COG5: variants seen among roughly 807,000 people sequenced by gnomAD.
COG5 encodes the protein conserved oligomeric Golgi complex subunit 5.
In COG5, 86 loss-of-function variants were observed where a neutral mutation model predicts 110.4. That is an observed-to-expected ratio of 0.78 (90% CI 0.65 to 0.93). The LOEUF (loss-of-function observed/expected upper bound fraction) is 0.93. Among genes scored for constraint, COG5 ranks in the 40% least tolerant of loss-of-function variants. The pLI, the probability that COG5 is intolerant of heterozygous loss-of-function variation, is 0.00. For synonymous variants in COG5, 360 were observed against 334.6 expected, an observed-to-expected ratio of 1.08 and a Z score of -0.83; for missense variants, 1,077 against 987.0, an observed-to-expected ratio of 1.09 and a Z score of -1.22.
intron 7 of COG5, among the ~76,000 whole-genome samples, chr7:107,397,142 C>T (rs1042197645): frequency 6.6e-6 from 1 of 152,192 alleles, no homozygotes; most frequent in Non-Finnish European, 1.5e-5. Context: ...GATAGCTAGG[C>T]TGGGCATGTG....
intron 6 of COG5, among the ~76,000 whole-genome samples, chr7:107,514,630 T>G (rs1253112561): frequency 6.6e-6 from 1 of 152,130 alleles, no homozygotes; most frequent in Non-Finnish European, 1.5e-5. Flanking sequence ...TAGAATCAGA[T>G]TTTTACAGAT....
At chr7:107,484,947 C>G (rs906786909) in intron 6 of COG5, among the ~76,000 whole-genome samples, 3 of 152,142 alleles carry the variant, frequency 2.0e-5, no homozygotes, top group African/African-American at 7.2e-5. Flanking sequence ...GAAAAGAAGA[C>G]AAGTGTCTTA....
intron 5 of COG5, among the ~76,000 whole-genome samples, chr7:107,534,554 A>G (rs1801443864): frequency 6.6e-6 from 1 of 151,536 alleles, no homozygotes; most frequent in South Asian, 2.1e-4. Context: ...AAACCAACAA[A>G]GATCAAAAAA....
chr7:107,285,843 C>T (rs1479470180), intron 12 of COG5, among the ~76,000 whole-genome samples: 5 of 146,470 alleles, frequency 3.4e-5, no homozygotes, highest in African/African-American at 7.6e-5. Context: ...CCAGCCTGGG[C>T]GACACAGCAA....
intron 7 of COG5, among the ~76,000 whole-genome samples, chr7:107,400,112 G>C (rs1340740082): frequency 6.6e-6 from 1 of 151,904 alleles, no homozygotes. Context: ...ACTTGTACTT[G>C]AGTGTTAATG....
At position 107,253,959 on chromosome 7, in the gene COG5, G is replaced by C. The variant is rs908570993; in HGVS notation, c.1749+2773C>G. 2.0e-5 allele frequency among the ~76,000 whole-genome samples: 3 copies of C among 152,084 alleles called. No individual in the cohort carries two copies. The East Asian group carries it at 5.8e-4, about 29-fold the overall frequency. On this transcript the variant is annotated intron_variant, in intron 16 of 21. Transcript: ENST00000297135. ...ATCCCCATTCTCTATCCTTTACTGT[G>C]CTCTATTTTTCATCATAGCGCTTAT...
In COG5 at chr7:107,378,790, C is replaced by T. The variant is rs544299758; in HGVS notation, c.670-6030G>A. 5.3e-5 allele frequency among the ~76,000 whole-genome samples: 8 copies of T among 152,214 alleles called. No individual in the cohort carries two copies. The South Asian group carries it at 1.2e-3, about 24-fold the overall frequency. On this transcript the variant is annotated intron_variant, in intron 7 of 21. Transcript: ENST00000297135. ...GCACTAGGAGAAAAGACCAAATCTA[C>T]GTTTGATTGGTGTACCTAAAAGTGA... is the stretch of plus-strand genomic sequence containing the variant.
In COG5 at chr7:107,203,480, T is replaced by C. The variant is rs1267241165; in HGVS notation, c.*36A>G. 2 of 1,416,650 alleles carry C rather than the reference T, an allele frequency of 1.4e-6. No individual in the cohort carries two copies. Among genetic ancestry groups the C allele is most frequent in the South Asian group, 2.3e-5 (2 of 87,040 alleles). The allele number at this position is 1,416,650 out of a possible 1,614,324, so 87.8% of individuals were successfully genotyped here. A position where few individuals can be genotyped will look rare whatever the true frequency, so the allele number is the denominator to read the frequency against. ...GTTTAACTGCCAACTATGAATGGGTTAGCACAAAGTGGAGATGAACAAAGA... is the reference window on the plus strand; with the variant it reads ...GTTTAACTGCCAACTATGAATGGGTCAGCACAAAGTGGAGATGAACAAAGA... On this transcript the variant is annotated 3_prime_UTR_variant, in exon 22 of 22. Coordinates refer to ENST00000297135, the MANE Select transcript of COG5 (RefSeq NM_006348.5).
chr7:107,375,496 C>T (rs1345971727), intron 7 of COG5, among the ~76,000 whole-genome samples: 1 of 151,948 alleles, frequency 6.6e-6, no homozygotes, highest in East Asian at 1.9e-4. Flanking sequence ...CTGTGGATGC[C>T]CCACAAATTT....
chr7:107,308,951 C>T (rs2116978820), intron 11 of COG5, among the ~76,000 whole-genome samples: 1 of 140,304 alleles, frequency 7.1e-6, no homozygotes, highest in Admixed American at 8.5e-5. Flanking sequence ...CAGAATTATT[C>T]TATACATTTC....
At chr7:107,264,399 T>C (rs1752346725) in intron 14 of COG5, among the ~76,000 whole-genome samples, 1 of 151,628 alleles carries the variant, frequency 6.6e-6, no homozygotes, top group South Asian at 2.1e-4. Context: ...GTAAAAAAAT[T>C]CCAGACAATG....
intron 10 of COG5, among the ~76,000 whole-genome samples, chr7:107,355,843 T>C (rs1423163780): frequency 2.0e-5 from 3 of 152,248 alleles, no homozygotes; most frequent in Non-Finnish European, 4.4e-5. Context: ...TTCTGTGTGA[T>C]ACTGGAATGG....
At chr7:107,275,719 T>G (rs1361813906) in intron 14 of COG5, among the ~76,000 whole-genome samples, 2 of 152,050 alleles carry the variant, frequency 1.3e-5, no homozygotes, top group African/African-American at 4.8e-5. Context: ...AGATGAGGTT[T>G]CACCATTTTG....
chr7:107,302,759 A>G (rs931399742), intron 11 of COG5, among the ~76,000 whole-genome samples: 4 of 152,166 alleles, frequency 2.6e-5, no homozygotes, highest in Admixed American at 2.6e-4. Flanking sequence ...CTCATTTACT[A>G]TTCACTACAA....
Position 107,274,401 on chromosome 7 carries a change from C to T in COG5, c.1575+6899G>A, listed in dbSNP as rs578094456. 3.3e-5 allele frequency among the ~76,000 whole-genome samples: 5 copies of T among 152,158 alleles called. No individual in the cohort carries two copies. The East Asian group carries it at 5.8e-4, about 18-fold the overall frequency. ...TTTATGATAGATGACATAATTCATC[C>T]CACTCTTCACCCCCTTTGTATCTTC... On this transcript the variant is annotated intron_variant, in intron 14 of 21. Coordinates refer to ENST00000297135, the MANE Select transcript of COG5 (RefSeq NM_006348.5).
At chr7:107,461,239 C>CT (rs1795974439) in intron 6 of COG5, among the ~76,000 whole-genome samples, 2 of 151,528 alleles carry the variant, frequency 1.3e-5, no homozygotes, top group African/African-American at 2.4e-5. Context: ...AAAGGTAGTA[C>CT]TATCAAAATA....
At chr7:107,466,178 A>T (rs1458236798) in intron 6 of COG5, among the ~76,000 whole-genome samples, 1 of 152,170 alleles carries the variant, frequency 6.6e-6, no homozygotes, top group African/African-American at 2.4e-5. Flanking sequence ...AGGAAGGCAA[A>T]GAGGGATAGT....
chr7:107,518,768 G>A (rs1040881344), intron 6 of COG5, among the ~76,000 whole-genome samples: 11 of 152,042 alleles, frequency 7.2e-5, no homozygotes, highest in Non-Finnish European at 1.2e-4. Context: ...GAAAATTAAC[G>A]AGGATATTCA....
chr7:107,374,700 CTCA>C (rs1814479929), intron 7 of COG5, among the ~76,000 whole-genome samples: 1 of 151,898 alleles, frequency 6.6e-6, no homozygotes, highest in Non-Finnish European at 1.5e-5. Context: ...ACAAATATAG[CTCA>C]TCATTAAAGA....
Sources: gnomAD v4.1 joint callset for allele counts (sites outside exome capture counted in the v4.1 genomes callset) on GRCh38, gnomAD v4.1.1 for gene constraint, MANE v1.5 for transcripts, NCBI Gene and HGNC (gene_info 2026-07-23, HGNC 2026-07-21) for gene names.